The following GALNT18 variants were observed in gnomAD, a reference collection of about 807,000 sequenced individuals.
GALNT18 encodes GalNAc-transferase 18.
GALNT18 carries 44 observed loss-of-function variants against 69.5 expected under a neutral mutation model. That is an observed-to-expected ratio of 0.63 (90% CI 0.50 to 0.81). GALNT18 has a LOEUF of 0.81. Among genes scored for constraint, GALNT18 ranks in the 40% least tolerant of loss-of-function variants. GALNT18 has a pLI of 0.00. For synonymous variants in GALNT18, 364 were observed against 318.2 expected (o/e 1.14, Z -1.53); for missense variants, 715 against 810.0 (o/e 0.88, Z 1.42).
chr11:11,368,779 T>G (rs1454319577), intron 6 of GALNT18, among the ~76,000 whole-genome samples: 2 of 152,246 alleles, frequency 1.3e-5, no homozygotes, highest in East Asian at 3.8e-4. Context: ...TAACCTACTT[T>G]ATATTCCGTG....
At chr11:11,578,330 C>CAAAAAAAAAAAAAAA (rs57579910) in intron 1 of GALNT18, among the ~76,000 whole-genome samples, 2 of 120,608 alleles carry the variant, frequency 1.7e-5, no homozygotes, top group African/African-American at 7.1e-5. Context: ...TAAAAAGAAC[C>CAAAAAAAAAAAAAAA]AAAAAAAAAA....
At chr11:11,282,739 T>C (rs759051686) in intron 10 of GALNT18, among the ~76,000 whole-genome samples, 5 of 152,150 alleles carry the variant, frequency 3.3e-5, no homozygotes, top group Non-Finnish European at 7.3e-5. Flanking sequence ...ACACTATTCA[T>C]TAATCCTTCC....
At chr11:11,467,079 A>C (rs1856169369) in intron 1 of GALNT18, among the ~76,000 whole-genome samples, 2 of 152,226 alleles carry the variant, frequency 1.3e-5, no homozygotes, top group South Asian at 4.1e-4. Flanking sequence ...GCGGAGGAGA[A>C]CATCTTCCGA....
rs902256859 is a variant in GALNT18 at position 11,583,404 on chromosome 11, A to T, written c.235+37955T>A. On this transcript the variant is annotated intron_variant, in intron 1 of 10. Coordinates refer to ENST00000227756, the MANE Select transcript of GALNT18 (RefSeq NM_198516.3). This position sits in a 1 kb window ranked among gnomAD's most constrained non-coding sequence, Gnocchi z 4.7. ...CAAGTACATAGGAGGAGCTCAATTC[A>T]TACATTCTGAATGAATGAAGAAATG... Among the ~76,000 whole-genome samples the T allele has an allele frequency of 2.6e-5, 4 of 152,202 alleles. No individual in the cohort carries two copies. Among genetic ancestry groups the T allele is most frequent in the Admixed American group, 1.3e-4 (2 of 15,286 alleles).
At chr11:11,566,672 G>A (rs543837466) in intron 1 of GALNT18, among the ~76,000 whole-genome samples, 17 of 152,310 alleles carry the variant, frequency 1.1e-4, no homozygotes, top group African/African-American at 3.8e-4. Flanking sequence ...GAGTCTAGGT[G>A]AAGGATATAC....
At chr11:11,300,035 A>G (rs551994189) in intron 9 of GALNT18, among the ~76,000 whole-genome samples, 58 of 152,370 alleles carry the variant, frequency 3.8e-4, no homozygotes, top group Admixed American at 8.5e-4. Context: ...AGGGAGAGTC[A>G]AGGAGGGCCT....
In GALNT18 at chr11:11,396,730, T is replaced by C. The variant is rs1209047364; in HGVS notation, c.596-17466A>G. Among the ~76,000 whole-genome samples the C allele has an allele frequency of 1.3e-5, 2 of 152,048 alleles. No individual in the cohort carries two copies. The highest frequency in any genetic ancestry group is 4.8e-5 in the African/African-American group (2 of 41,398). On this transcript the variant is annotated intron_variant, in intron 3 of 10. Transcript: ENST00000227756. This position sits in a 1 kb window ranked among gnomAD's most constrained non-coding sequence, Gnocchi z 5.2. Reference sequence around the variant, plus strand: ...AGGGAAGAAGAACAGAGGTGAGAGCTCTGGATCTCTAATCTGCAGTTGATG... The same window carrying C: ...AGGGAAGAAGAACAGAGGTGAGAGCCCTGGATCTCTAATCTGCAGTTGATG...
chr11:11,484,181 G>T (rs1472572878), intron 1 of GALNT18, among the ~76,000 whole-genome samples: 1 of 152,160 alleles, frequency 6.6e-6, no homozygotes, highest in Admixed American at 6.5e-5. Flanking sequence ...GCTGAGTGCT[G>T]GAGTCAGGCT....
At position 11,389,963 on chromosome 11, in the gene GALNT18, T is replaced by G. The variant is rs1208269572; in HGVS notation, c.596-10699A>C. On this transcript the variant is annotated intron_variant, in intron 3 of 10. Transcript: ENST00000227756. This position sits in a 1 kb window ranked among gnomAD's most constrained non-coding sequence, Gnocchi z 4.3. Reference sequence around the variant, plus strand: ...TTAGAGTGCTGCCGAACTCAAAAATTTGATGATCCTAAAATCTCATGACTG... The same window carrying G: ...TTAGAGTGCTGCCGAACTCAAAAATGTGATGATCCTAAAATCTCATGACTG... 1.3e-5 allele frequency among the ~76,000 whole-genome samples: 2 copies of G among 152,142 alleles called. No individual in the cohort carries two copies. The highest frequency in any genetic ancestry group is 1.3e-4 in the Admixed American group (2 of 15,272).
At position 11,309,923 on chromosome 11, in the gene GALNT18, G is replaced by GC. The variant is rs1564890131; in HGVS notation, c.1513-16731dup. ...CCCCAGGGATATTGCTTTGTTAATT[G>GC]CCCCCTTAAATAGATCTCTCTACTT... On this transcript the variant is annotated intron_variant, in intron 9 of 10. Transcript: ENST00000227756. This position sits in a 1 kb window ranked among gnomAD's most constrained non-coding sequence, Gnocchi z 4.6. Among the ~76,000 whole-genome samples the GC allele has an allele frequency of 6.6e-6, 1 of 151,816 alleles. No homozygotes were observed. The highest frequency in any genetic ancestry group is 2.4e-5 in the African/African-American group (1 of 41,280).
At chr11:11,507,644 A>G (rs760662621) in intron 1 of GALNT18, among the ~76,000 whole-genome samples, 2 of 152,226 alleles carry the variant, frequency 1.3e-5, no homozygotes, top group East Asian at 3.8e-4. Flanking sequence ...TTTCTATAGG[A>G]GTATCCTGCT....
chr11:11,450,575 T>C (rs1309948291), intron 1 of GALNT18, among the ~76,000 whole-genome samples: 1 of 152,156 alleles, frequency 6.6e-6, no homozygotes, highest in African/African-American at 2.4e-5. Flanking sequence ...GTGTGAGAGA[T>C]GCAAAAAGAT....
At chr11:11,574,652 C>G (rs1404037203) in intron 1 of GALNT18, among the ~76,000 whole-genome samples, 43 of 152,142 alleles carry the variant, frequency 2.8e-4, no homozygotes, top group Admixed American at 2.8e-3. Flanking sequence ...CCAGCACCTA[C>G]CAGATGGCTA....
At chr11:11,288,268 C>G (rs1849229789) in intron 10 of GALNT18, among the ~76,000 whole-genome samples, 1 of 152,170 alleles carries the variant, frequency 6.6e-6, no homozygotes, top group African/African-American at 2.4e-5. Flanking sequence ...ACTCTAAATT[C>G]TGCACACAAC....
chr11:11,383,712 C>G lies in GALNT18; in HGVS notation c.596-4448G>C, dbSNP rs967315863. ...CCCAAATCTCATCTTGAATTGTAAT[C>G]CCCATGTGTTAAGGTGATTGCATCA... On this transcript the variant is annotated intron_variant, in intron 3 of 10. Coordinates refer to ENST00000227756, the MANE Select transcript of GALNT18 (RefSeq NM_198516.3). The surrounding 1 kb of genome is among the most constrained non-coding windows in gnomAD (Gnocchi z 5.2). Among the ~76,000 whole-genome samples the G allele has an allele frequency of 4.6e-5, 7 of 152,270 alleles. No homozygotes were observed. Among genetic ancestry groups the G allele is most frequent in the African/African-American group, 1.7e-4 (7 of 41,552 alleles).
Position 11,418,529 on chromosome 11 carries a change from C to G in GALNT18, c.595+14092G>C, listed in dbSNP as rs565749315. 2.0e-5 allele frequency among the ~76,000 whole-genome samples: 3 copies of G among 152,182 alleles called. No individual in the cohort carries two copies. The South Asian group carries it at 6.2e-4, about 32-fold the overall frequency. ...TCAAATGCCAGCTTTTCCAGGAAGC[C>G]CTCCCAGAGTGACTGAGATCTCTCC... On this transcript the variant is annotated intron_variant, in intron 3 of 10. Transcript: ENST00000227756.
intron 1 of GALNT18, among the ~76,000 whole-genome samples, chr11:11,501,518 T>C (rs560747000): frequency 3.0e-4 from 45 of 152,306 alleles, no homozygotes; most frequent in African/African-American, 1.1e-3. Context: ...TCCTACTCTT[T>C]CGTGAGCAAA....
In GALNT18 at chr11:11,320,307, A is replaced by C. The variant is rs984354118; in HGVS notation, c.1512+6779T>G. Among the ~76,000 whole-genome samples the C allele has an allele frequency of 4.6e-5, 7 of 152,230 alleles. No individual in the cohort carries two copies. The highest frequency in any genetic ancestry group is 1.7e-4 in the African/African-American group (7 of 41,452). ...CTATATTCCCTAGGCAACAATGTAA[A>C]GTGCCACCTCCATCTCCTGCAGTTG... On this transcript the variant is annotated intron_variant, in intron 9 of 10. Transcript: ENST00000227756. The surrounding 1 kb of genome is among the most constrained non-coding windows in gnomAD (Gnocchi z 4.9).
chr11:11,561,754 T>G (rs1410373613), intron 1 of GALNT18, among the ~76,000 whole-genome samples: 1 of 152,124 alleles, frequency 6.6e-6, no homozygotes, highest in African/African-American at 2.4e-5. Flanking sequence ...AATCCTGGGT[T>G]CCCAAGCAGT....
Sources: gnomAD v4.1 joint callset for allele counts (sites outside exome capture counted in the v4.1 genomes callset) on GRCh38, gnomAD v4.1.1 for gene constraint, Gnocchi (gnomAD v3.1) non-coding constraint, MANE v1.5 for transcripts, NCBI Gene and HGNC (gene_info 2026-07-23, HGNC 2026-07-21) for gene names.